Variants in PRKN observed in about 807,000 individuals in gnomAD.
PRKN encodes E3 ubiquitin-protein ligase parkin.
PRKN carries 56 observed loss-of-function variants against 59.5 expected under a neutral mutation model. The ratio of observed to expected loss-of-function variants is 0.94; its 90% CI spans 0.76 to 1.18. PRKN has a LOEUF of 1.18. Among genes scored for constraint, PRKN ranks in the 50% most tolerant of loss-of-function variants. PRKN has a pLI of 0.00. For missense variants in PRKN, 657 were observed against 596.4 expected, an observed-to-expected ratio of 1.10 and a Z score of -1.06; for synonymous variants, 250 against 222.1, an observed-to-expected ratio of 1.13 and a Z score of -1.12.
At chr6:162,170,849 G>T (rs1386977777) in intron 4 of PRKN, among the ~76,000 whole-genome samples, 4 of 152,116 alleles carry the variant, frequency 2.6e-5, no homozygotes, top group Non-Finnish European at 5.9e-5. Context: ...CAAAGTGATT[G>T]CTTGTGTCTC....
intron 6 of PRKN, among the ~76,000 whole-genome samples, chr6:161,808,996 A>G (rs1791451408): frequency 6.6e-6 from 1 of 151,996 alleles, no homozygotes; most frequent in Admixed American, 6.6e-5. Flanking sequence ...ATGCACCACA[A>G]TGCCTGGGTA....
intron 6 of PRKN, among the ~76,000 whole-genome samples, chr6:161,898,094 T>C (rs1466893464): frequency 2.0e-5 from 3 of 151,998 alleles, no homozygotes; most frequent in South Asian, 4.1e-4. Context: ...ACAGAACTTG[T>C]AGCAAATTTT....
rs187410766 is a variant in PRKN, at chr6:161,372,007, G to A, written c.1168-11802C>T. On this transcript the variant is annotated intron_variant, in intron 10 of 11. Transcript: ENST00000366898. The surrounding 1 kb of genome is among the most constrained non-coding windows in gnomAD (Gnocchi z 4.2). ...GCTAGGAGTGGAATGTGTGCCAAGT[G>A]CCACAGACGAGATCTTACAGAGTCT... Among the ~76,000 whole-genome samples, 5 of 152,324 alleles carry A rather than the reference G, an allele frequency of 3.3e-5. No individual in the cohort carries two copies. In the East Asian group the frequency reaches 9.7e-4, roughly 29 times the overall value.
Position 162,495,233 on chromosome 6 carries a change from T to TA in PRKN, c.8-51761dup, listed in dbSNP as rs1220960329. Among the ~76,000 whole-genome samples, 11 of 152,342 alleles carry TA rather than the reference T, an allele frequency of 7.2e-5. 2 individuals carry two copies. The highest frequency in any genetic ancestry group is 2.4e-4 in the African/African-American group (10 of 41,586). On this transcript the variant is annotated intron_variant, in intron 1 of 11. Transcript: ENST00000366898. ...ACTTAAATATCAAAACCATACTTCT[T>TA]ACTTTTTTAAACTACTTAATACATA...
intron 2 of PRKN, among the ~76,000 whole-genome samples, chr6:162,304,062 T>TTTTTC (rs1394491881): frequency 1.2e-4 from 16 of 134,902 alleles, no homozygotes; most frequent in Non-Finnish European, 1.1e-4. Flanking sequence ...CTCAAATGGA[T>TTTTTC]ATCATTACCT....
At chr6:161,895,671 C>A (rs1777596877) in intron 6 of PRKN, among the ~76,000 whole-genome samples, 1 of 142,748 alleles carries the variant, frequency 7.0e-6, no homozygotes, top group African/African-American at 2.8e-5. Context: ...ACGCCCACCC[C>A]TCCTGCTGTT....
chr6:162,667,163 T>C (rs1302163189), intron 1 of PRKN, among the ~76,000 whole-genome samples: 3 of 152,102 alleles, frequency 2.0e-5, no homozygotes, highest in Non-Finnish European at 4.4e-5. Flanking sequence ...AGTGGATAAT[T>C]TAACAATTCT....
At position 161,445,078 on chromosome 6, in the gene PRKN, A is replaced by G. The variant is rs902169644; in HGVS notation, c.1084-58201T>C. Among the ~76,000 whole-genome samples the G allele has an allele frequency of 1.3e-5, 2 of 152,128 alleles. No individual in the cohort carries two copies. The highest frequency in any genetic ancestry group is 2.9e-5 in the Non-Finnish European group (2 of 68,036). ...AAGAGTAGACTGGGCTTCAGGGACC[A>G]GATGCCAGGGCTGGCACATCTGCCT... On this transcript the variant is annotated intron_variant, in intron 9 of 11. Coordinates refer to ENST00000366898, the MANE Select transcript of PRKN (RefSeq NM_004562.3). The surrounding 1 kb of genome is among the most constrained non-coding windows in gnomAD (Gnocchi z 7.7).
chr6:161,733,791 T>TATATAC (rs1201747599), intron 7 of PRKN, among the ~76,000 whole-genome samples: 1 of 66,942 alleles, frequency 1.5e-5, no homozygotes, highest in African/African-American at 6.2e-5. Context: ...AAAATATATA[T>TATATAC]ATATATGTAT....
At chr6:162,339,106 G>C (rs1322562031) in intron 2 of PRKN, among the ~76,000 whole-genome samples, 2 of 146,208 alleles carry the variant, frequency 1.4e-5, no homozygotes. Context: ...CAGCCGCCCC[G>C]TCTGAGAAGT....
In PRKN at chr6:162,166,641, T is replaced by A. The variant is rs137980341; in HGVS notation, c.534+34490A>T. ...ACTTTAAAACTCATTTTAAAATTCT[T>A]CAAAAATGAGACGAATTGGTAAGTG... On this transcript the variant is annotated intron_variant, in intron 4 of 11. Transcript: ENST00000366898. Among the ~76,000 whole-genome samples, 579 of 152,292 alleles carry A rather than the reference T, an allele frequency of 3.8e-3. 5 individuals are homozygous for A. The highest frequency in any genetic ancestry group is 0.013 in the African/African-American group (537 of 41,552).
At chr6:161,772,793 A>C (rs1789750502) in intron 7 of PRKN, among the ~76,000 whole-genome samples, 1 of 152,204 alleles carries the variant, frequency 6.6e-6, no homozygotes, top group Non-Finnish European at 1.5e-5. Context: ...TGAGGAAGAC[A>C]GCCATTATCT....
chr6:161,827,779 A>T (rs966597058), intron 6 of PRKN, among the ~76,000 whole-genome samples: 1 of 152,152 alleles, frequency 6.6e-6, no homozygotes, highest in Non-Finnish European at 1.5e-5. Flanking sequence ...AAGTTCTGGG[A>T]TTACAAGCGT....
intron 2 of PRKN, among the ~76,000 whole-genome samples, chr6:162,342,336 TCAAAA>T (rs1025423220): frequency 6.6e-6 from 1 of 152,162 alleles, no homozygotes; most frequent in Non-Finnish European, 1.5e-5. Flanking sequence ...GATAATACTT[TCAAAA>T]CAAAACAAAA....
intron 2 of PRKN, among the ~76,000 whole-genome samples, chr6:162,281,609 CTT>C (rs1780914743): frequency 1.3e-5 from 2 of 151,942 alleles, no homozygotes; most frequent in East Asian, 3.9e-4. Flanking sequence ...AAAAAGAAAT[CTT>C]TGTTTTGGAA....
intron 4 of PRKN, among the ~76,000 whole-genome samples, chr6:162,189,607 C>T (rs1378357921): frequency 2.0e-5 from 3 of 151,356 alleles, no homozygotes; most frequent in Non-Finnish European, 4.4e-5. Context: ...TGGTCCCTGC[C>T]CCAAGGAAAT....
At chr6:161,871,616 C>T in intron 6 of PRKN, among the ~76,000 whole-genome samples, 1 of 152,162 alleles carries the variant, frequency 6.6e-6, no homozygotes, top group East Asian at 1.9e-4. Flanking sequence ...CCAGCCAGAG[C>T]CCTCTTCCTT....
At chr6:162,694,014 G>A (rs781366463) in intron 1 of PRKN, among the ~76,000 whole-genome samples, 1 of 152,034 alleles carries the variant, frequency 6.6e-6, no homozygotes. Context: ...TTGGGAGGCC[G>A]AGGCGGGCAG....
At position 161,467,299 on chromosome 6, in the gene PRKN, C is replaced by T. The variant is rs1790525998; in HGVS notation, c.1084-80422G>A. Among the ~76,000 whole-genome samples the T allele has an allele frequency of 6.6e-6, 1 of 152,190 alleles. No individual in the cohort carries two copies. The highest frequency in any genetic ancestry group is 2.1e-4 in the South Asian group (1 of 4,830). ...ATCAGTAAATATTATTGAGAGTGGA[C>T]TGTGTGCCTGGCACTGTGCGGTGAA... On this transcript the variant is annotated intron_variant, in intron 9 of 11. Transcript: ENST00000366898. This position sits in a 1 kb window ranked among gnomAD's most constrained non-coding sequence, Gnocchi z 4.3.
Sources: allele counts gnomAD v4.1 joint callset (sites outside exome capture counted in the v4.1 genomes callset), GRCh38; gene constraint gnomAD v4.1.1; non-coding constraint Gnocchi (gnomAD v3.1); transcripts MANE v1.5; gene names NCBI Gene and HGNC (gene_info 2026-07-23, HGNC 2026-07-21).